The following FUT9 variants were observed in gnomAD, a reference collection of about 807,000 sequenced individuals.
The protein encoded by FUT9 is 4-galactosyl-N-acetylglucosaminide 3-alpha-L-fucosyltransferase 9.
A neutral mutation model predicts 29.7 loss-of-function variants in FUT9; 15 were observed. That is an observed-to-expected ratio of 0.51 (90% confidence interval 0.34 to 0.78). The LOEUF is 0.78. Among genes scored for constraint, FUT9 ranks in the 30% least tolerant of loss-of-function variants. The probability of loss-of-function intolerance (pLI) is 0.01; values close to 1 mark genes in which losing one functional copy is unlikely to be tolerated. For missense variants in FUT9, 319 were observed against 425.4 expected (o/e 0.75, Z 2.20); for synonymous variants, 169 against 153.7 (o/e 1.10, Z -0.74).
At chr6:96,033,288 C>T (rs1223707846) in intron 1 of FUT9, among the ~76,000 whole-genome samples, 2 of 151,548 alleles carry the variant, frequency 1.3e-5, no homozygotes, top group East Asian at 3.9e-4. Flanking sequence ...AATTGTAATA[C>T]TTTTCAGCTT....
chr6:96,183,194 T>A (rs72925201), intron 2 of FUT9, among the ~76,000 whole-genome samples: 5,997 of 152,074 alleles, frequency 0.039, 201 homozygotes, highest in South Asian at 0.13. Flanking sequence ...TCATTTTTTT[T>A]ATTTTTTGGC....
intron 1 of FUT9, among the ~76,000 whole-genome samples, chr6:96,051,653 TA>T (rs1033701929): frequency 6.6e-6 from 1 of 151,518 alleles, no homozygotes; most frequent in African/African-American, 2.4e-5. Context: ...ATCCCATCTC[TA>T]AAAAAAATTA....
chr6:96,076,668 A>C (rs2127949298), intron 1 of FUT9, among the ~76,000 whole-genome samples: 1 of 152,302 alleles, frequency 6.6e-6, no homozygotes, highest in South Asian at 2.1e-4. Context: ...TGTTTGATAT[A>C]TAGAAATATA....
At chr6:96,104,616 C>T (rs974968380) in intron 1 of FUT9, among the ~76,000 whole-genome samples, 2 of 151,780 alleles carry the variant, frequency 1.3e-5, no homozygotes, top group African/African-American at 2.4e-5. Flanking sequence ...CCGCAATCTC[C>T]GCTTTCCAGG....
chr6:96,196,778 C>T (rs1393904966), intron 2 of FUT9, among the ~76,000 whole-genome samples: 1 of 152,146 alleles, frequency 6.6e-6, no homozygotes, highest in Non-Finnish European at 1.5e-5. Context: ...TAAGATTCTT[C>T]TTGGCTTCTC....
chr6:96,120,708 A>C (rs1277778800), intron 2 of FUT9, among the ~76,000 whole-genome samples: 1 of 52,924 alleles, frequency 1.9e-5, no homozygotes, highest in Non-Finnish European at 5.5e-5. Context: ...AATAACATTA[A>C]GCACATTTTT....
chr6:96,177,821 A>T (rs529662691), intron 2 of FUT9, among the ~76,000 whole-genome samples: 1 of 152,290 alleles, frequency 6.6e-6, no homozygotes, highest in African/African-American at 2.4e-5. Flanking sequence ...TAATGTTACT[A>T]AGGTCCTCAA....
intron 1 of FUT9, among the ~76,000 whole-genome samples, chr6:96,058,468 C>CAAAAAAAAAA (rs3079049): frequency 1.9e-4 from 15 of 77,148 alleles, no homozygotes; most frequent in African/African-American, 5.8e-4. Flanking sequence ...GGCTTTATTC[C>CAAAAAAAAAA]AAAAAAAAAA....
At chr6:96,036,294 C>CT (rs1770364312) in intron 1 of FUT9, among the ~76,000 whole-genome samples, 1 of 151,084 alleles carries the variant, frequency 6.6e-6, no homozygotes, top group Non-Finnish European at 1.5e-5. Flanking sequence ...TTGTAAGGTT[C>CT]TAAGCAGATT....
intron 2 of FUT9, among the ~76,000 whole-genome samples, chr6:96,174,974 CTTCAAAAAGT>C (rs1246519371): frequency 6.6e-6 from 1 of 152,076 alleles, no homozygotes; most frequent in Non-Finnish European, 1.5e-5. Flanking sequence ...GGGTGGCTGA[CTTCAAAAAGT>C]TTCAGGATCT....
chr6:96,028,719 C>T (rs1393505098), intron 1 of FUT9, among the ~76,000 whole-genome samples: 2 of 151,344 alleles, frequency 1.3e-5, no homozygotes, highest in South Asian at 2.1e-4. Flanking sequence ...TAATCCAATT[C>T]GATAATCAGC....
At chr6:96,053,465 T>G (rs1770708658) in intron 1 of FUT9, among the ~76,000 whole-genome samples, 1 of 152,066 alleles carries the variant, frequency 6.6e-6, no homozygotes, top group Non-Finnish European at 1.5e-5. Context: ...TCCCAGCACT[T>G]TGGGAGGCCG....
At chr6:96,085,762 T>C (rs1419281055) in intron 1 of FUT9, among the ~76,000 whole-genome samples, 2 of 152,172 alleles carry the variant, frequency 1.3e-5, no homozygotes, top group Non-Finnish European at 2.9e-5. Flanking sequence ...TTTTTCAGCA[T>C]AGTTATAAAT....
At chr6:96,022,356 A>T (rs1770083946) in intron 1 of FUT9, among the ~76,000 whole-genome samples, 1 of 152,038 alleles carries the variant, frequency 6.6e-6, no homozygotes. Context: ...ATTTGTCTTC[A>T]CCAACAGCTT....
chr6:96,102,241 A>C (rs545664745), intron 1 of FUT9, among the ~76,000 whole-genome samples: 1 of 152,256 alleles, frequency 6.6e-6, no homozygotes, highest in East Asian at 1.9e-4. Context: ...TATTTAAAAG[A>C]TGGCATATAT....
chr6:96,059,638 C>G (rs1480256700), intron 1 of FUT9, among the ~76,000 whole-genome samples: 1 of 152,154 alleles, frequency 6.6e-6, no homozygotes, highest in Non-Finnish European at 1.5e-5. Flanking sequence ...TACATCATTC[C>G]TCACTCTGAG....
At chr6:96,033,647 T>C (rs1770301796) in intron 1 of FUT9, among the ~76,000 whole-genome samples, 1 of 151,784 alleles carries the variant, frequency 6.6e-6, no homozygotes, top group Non-Finnish European at 1.5e-5. Flanking sequence ...GTTGTATAAA[T>C]AGCACAGAAT....
At chr6:96,057,304 T>C (rs879073695) in intron 1 of FUT9, among the ~76,000 whole-genome samples, 1 of 151,938 alleles carries the variant, frequency 6.6e-6, no homozygotes, top group Admixed American at 6.6e-5. Context: ...AGTGGTAAAA[T>C]ATTGCAGTTT....
intron 1 of FUT9, among the ~76,000 whole-genome samples, chr6:96,081,191 T>C (rs1771231452): frequency 6.6e-6 from 1 of 151,906 alleles, no homozygotes; most frequent in South Asian, 2.1e-4. Context: ...ATATTTAACA[T>C]CATAAATAAA....
Sources: allele counts gnomAD v4.1 joint callset (sites outside exome capture counted in the v4.1 genomes callset), GRCh38; gene constraint gnomAD v4.1.1; transcripts MANE v1.5; gene names NCBI Gene and HGNC (gene_info 2026-07-23, HGNC 2026-07-21).